Variants in PEX14 observed in about 807,000 individuals in gnomAD.
PEX14 encodes the protein peroxisomal biogenesis factor 14, also known as peroxisomal membrane protein PEX14.
PEX14 carries 15 observed loss-of-function variants against 49.5 expected under a neutral mutation model. The observed-to-expected ratio is 0.30, with a 90% CI of 0.20 to 0.47. PEX14 has a LOEUF of 0.47. Ranked by LOEUF, PEX14 falls within the 20% of genes least tolerant of loss-of-function variation. The pLI is 1.00. For missense variants in PEX14, 398 were observed against 494.8 expected, an observed-to-expected ratio of 0.80 and a Z score of 1.86; for synonymous variants, 210 against 212.7, an observed-to-expected ratio of 0.99 and a Z score of 0.11.
chr1:10,626,513 G>A (rs537680307), intron 7 of PEX14, among the ~76,000 whole-genome samples: 4 of 152,184 alleles, frequency 2.6e-5, no homozygotes, highest in Admixed American at 6.5e-5. Flanking sequence ...AGCAGCCCCC[G>A]ACCCCACGTC....
chr1:10,478,234 AAT>A (rs1641229431), intron 1 of PEX14, among the ~76,000 whole-genome samples: 1 of 152,102 alleles, frequency 6.6e-6, no homozygotes, highest in African/African-American at 2.4e-5. Flanking sequence ...TGCCTGAAAC[AAT>A]GTGTTGTCTA....
chr1:10,570,792 A>G (rs1206300604), intron 3 of PEX14, among the ~76,000 whole-genome samples: 2 of 150,910 alleles, frequency 1.3e-5, no homozygotes, highest in African/African-American at 4.9e-5. Flanking sequence ...AACCAGAAGT[A>G]TGTGTTCAAG....
chr1:10,624,315 C>T (rs759652882), intron 6 of PEX14, 25 bp from the exon 7 acceptor site: 20 of 1,498,114 alleles, frequency 1.3e-5, no homozygotes, highest in South Asian at 3.4e-5. Context: ...AATTTGCCAG[C>T]GCCGTGACTG....
intron 2 of PEX14, among the ~76,000 whole-genome samples, chr1:10,499,649 A>G (rs777356095): frequency 1.3e-4 from 20 of 152,028 alleles, no homozygotes; most frequent in East Asian, 5.8e-4. Context: ...GGGTTTCACC[A>G]TGTTGGCCAG....
intron 3 of PEX14, among the ~76,000 whole-genome samples, chr1:10,544,855 C>T (rs188755994): frequency 1.1e-4 from 16 of 152,090 alleles, no homozygotes; most frequent in East Asian, 5.8e-4. Context: ...TTGACCTCCC[C>T]GGGATCAAGT....
rs568900617 is a variant in PEX14, at chr1:10,530,716, T to C, written c.85-5497T>C. Among the ~76,000 whole-genome samples the C allele has an allele frequency of 1.1e-4, 16 of 152,378 alleles. 1 individual carries two copies. The highest frequency in any genetic ancestry group is 9.1e-4 in the Admixed American group (14 of 15,306). On this transcript the variant is annotated intron_variant, in intron 2 of 8. Coordinates refer to ENST00000356607, the MANE Select transcript of PEX14 (RefSeq NM_004565.3). ...GCGTCCCTGAGTTGCAGTCACACTC[T>C]GAGAGCAGCTTTCTGGAAGCTTTCT...
At chr1:10,483,265 C>G (rs1326524148) in intron 1 of PEX14, among the ~76,000 whole-genome samples, 2 of 152,182 alleles carry the variant, frequency 1.3e-5, no homozygotes, top group Non-Finnish European at 2.9e-5. Context: ...AAGTGATCCT[C>G]CTGCCTTGGC....
At chr1:10,493,374 T>C (rs1641504031) in intron 1 of PEX14, among the ~76,000 whole-genome samples, 2 of 152,132 alleles carry the variant, frequency 1.3e-5, no homozygotes, top group African/African-American at 2.4e-5. Flanking sequence ...TTTGGTAGCT[T>C]GGACTGAAGT....
intron 4 of PEX14, among the ~76,000 whole-genome samples, chr1:10,602,862 C>T (rs1022520851): frequency 6.6e-6 from 1 of 152,142 alleles, no homozygotes. Flanking sequence ...GTGTTCCTGC[C>T]GATTTTACAT....
chr1:10,538,208 C>A, intron 3 of PEX14, among the ~76,000 whole-genome samples: 1 of 152,166 alleles, frequency 6.6e-6, no homozygotes, highest in East Asian at 1.9e-4. Flanking sequence ...GTGAGGAATG[C>A]CAGAGTTGGT....
chr1:10,580,176 A>G (rs1038535639), intron 3 of PEX14, among the ~76,000 whole-genome samples: 15 of 152,172 alleles, frequency 9.9e-5, no homozygotes, highest in African/African-American at 2.4e-4. Flanking sequence ...TGTAATGAAC[A>G]TTTTACAACA....
At position 10,494,728 on chromosome 1, in the gene PEX14, A is replaced by C. The variant is rs1166532861; in HGVS notation, c.37-546A>C. 6.6e-6 allele frequency among the ~76,000 whole-genome samples: 1 copy of C among 152,120 alleles called. No individual in the cohort carries two copies. The highest frequency in any genetic ancestry group is 1.5e-5 in the Non-Finnish European group (1 of 68,024). On this transcript the variant is annotated intron_variant, in intron 1 of 8. Coordinates refer to ENST00000356607, the MANE Select transcript of PEX14 (RefSeq NM_004565.3). The surrounding 1 kb of genome is among the most constrained non-coding windows in gnomAD (Gnocchi z 4.3). ...TTTACTATTGTGGGGTGGTGTCCTT[A>C]GTGGCAGGTGATGAATAGGAACCTG... is the stretch of plus-strand genomic sequence containing the variant.
intron 2 of PEX14, among the ~76,000 whole-genome samples, chr1:10,530,281 T>G (rs1337113337): frequency 1.3e-5 from 2 of 152,254 alleles, no homozygotes; most frequent in African/African-American, 4.8e-5. Flanking sequence ...TGAATAGGTG[T>G]TGAACCAGCC....
At chr1:10,554,720 CT>C (rs58060040) in intron 3 of PEX14, among the ~76,000 whole-genome samples, 6 of 148,948 alleles carry the variant, frequency 4.0e-5, no homozygotes, top group African/African-American at 7.4e-5. Context: ...GCTTTTTTTT[CT>C]TTTTTTTTTA....
chr1:10,590,645 A>G lies in PEX14; in HGVS notation c.170-8593A>G, dbSNP rs116225003. Among the ~76,000 whole-genome samples, 1,308 of 152,300 alleles carry G rather than the reference A, an allele frequency of 8.6e-3. 20 individuals are homozygous for G. Among genetic ancestry groups the G allele is most frequent in the African/African-American group, 0.03 (1,232 of 41,568 alleles). On this transcript the variant is annotated intron_variant, in intron 3 of 8. Transcript: ENST00000356607. Reference sequence around the variant, plus strand: ...GCAGTAAATAAGCACTCAAATATTTATGGATTTGGTTGAGTGCTACATATT... The same window carrying G: ...GCAGTAAATAAGCACTCAAATATTTGTGGATTTGGTTGAGTGCTACATATT...
chr1:10,556,279 A>G (rs1639486750), intron 3 of PEX14, among the ~76,000 whole-genome samples: 2 of 152,234 alleles, frequency 1.3e-5, no homozygotes, highest in South Asian at 4.1e-4. Context: ...AAGCTGCTCC[A>G]TGTCTCCCTA....
In PEX14 at chr1:10,505,684, A is replaced by ATT. The variant is rs34387707; in HGVS notation, c.84+10376_84+10377dup. ...GAGCCACCCGGCCCAGCTTGTGTGT[A>ATT]TTTTTTTTTTTTTTGAGACGGAGTC... On this transcript the variant is annotated intron_variant, in intron 2 of 8. Coordinates refer to ENST00000356607, the MANE Select transcript of PEX14 (RefSeq NM_004565.3). 8.3e-3 allele frequency among the ~76,000 whole-genome samples: 1,184 copies of ATT among 142,140 alleles called. 17 individuals carry two copies. Among genetic ancestry groups the ATT allele is most frequent in the South Asian group, 0.012 (55 of 4,482 alleles). 93.2% of individuals were successfully genotyped at this position (142,140 alleles called of 152,430 possible).
intron 2 of PEX14, among the ~76,000 whole-genome samples, chr1:10,507,231 T>C (rs997044122): frequency 1.3e-5 from 2 of 152,254 alleles, no homozygotes; most frequent in African/African-American, 2.4e-5. Flanking sequence ...TGAAAGCTGG[T>C]GTCCATGCTG....
At chr1:10,503,982 C>A (rs758443719) in intron 2 of PEX14, among the ~76,000 whole-genome samples, 3 of 152,160 alleles carry the variant, frequency 2.0e-5, no homozygotes, top group Non-Finnish European at 2.9e-5. Flanking sequence ...GATCCACCCG[C>A]CTCGGCCTCC....
Sources: gnomAD v4.1 joint callset for allele counts (sites outside exome capture counted in the v4.1 genomes callset) on GRCh38, gnomAD v4.1.1 for gene constraint, Gnocchi (gnomAD v3.1) non-coding constraint, MANE v1.5 for transcripts, NCBI Gene and HGNC (gene_info 2026-07-23, HGNC 2026-07-21) for gene names.